COL25A1: variants seen among roughly 807,000 people sequenced by gnomAD.
The protein encoded by COL25A1 is collagen type XXV alpha 1 chain, also known as collagen alpha-1(XXV) chain.
COL25A1 carries 103 observed loss-of-function variants against 128.4 expected under a neutral mutation model. The observed-to-expected ratio is 0.80, with a 90% CI of 0.68 to 0.94. The LOEUF is 0.94. Among genes scored for constraint, COL25A1 ranks in the 40% least tolerant of loss-of-function variants. The pLI is 0.00. For missense variants in COL25A1, 745 were observed against 840.0 expected, an observed-to-expected ratio of 0.89 and a Z score of 1.40; for synonymous variants, 279 against 277.2, an observed-to-expected ratio of 1.01 and a Z score of -0.06.
intron 8 of COL25A1, among the ~76,000 whole-genome samples, chr4:108,947,858 A>T (rs181604216): frequency 1.3e-5 from 2 of 152,336 alleles, no homozygotes; most frequent in African/African-American, 4.8e-5. Flanking sequence ...GGAGGAAAAG[A>T]TAATTATTTT....
rs757764313 is a variant in COL25A1, at chr4:108,841,768, T to C, written c.1630-47A>G. ...TTTAATTAAGAATTGATTCCCTGTT[T>C]CCCAGCAAGAGTGAATATTATATCA... On this transcript the variant is annotated intron_variant, in intron 30 of 37. Coordinates refer to ENST00000399132, the MANE Select transcript of COL25A1 (RefSeq NM_198721.4). 2.1e-6 allele frequency: 3 copies of C among 1,421,848 alleles called. No individual in the cohort carries two copies. The African/African-American group carries it at 4.2e-5, about 20-fold the overall frequency. The allele number at this position is 1,421,848 out of a possible 1,614,324, so 88.1% of individuals were successfully genotyped here.
At chr4:109,058,064 T>C (rs2125958146) in intron 3 of COL25A1, among the ~76,000 whole-genome samples, 1 of 152,334 alleles carries the variant, frequency 6.6e-6, no homozygotes, top group African/African-American at 2.4e-5. Flanking sequence ...TTTGTTGCTG[T>C]TTTTAATATC....
Position 108,830,446 on chromosome 4 carries a change from G to A in COL25A1, c.1710+1934C>T, listed in dbSNP as rs545533369. 1.8e-3 allele frequency among the ~76,000 whole-genome samples: 275 copies of A among 152,260 alleles called. 3 individuals are homozygous for A. Among genetic ancestry groups the A allele is most frequent in the African/African-American group, 6.4e-3 (265 of 41,556 alleles). The stretch of plus-strand genomic sequence containing the variant: ...TTATCCTAGAACACCTCCCTTTGCC[G>A]ATTCTGACTTCTTTAAAATTTGAAA... On this transcript the variant is annotated intron_variant, in intron 32 of 37. Transcript: ENST00000399132.
intron 34 of COL25A1, among the ~76,000 whole-genome samples, chr4:108,824,848 A>G (rs1390435854): frequency 1.2e-4 from 19 of 152,168 alleles, no homozygotes; most frequent in Admixed American, 1.2e-3. Context: ...AAAACATAAT[A>G]TATCATTCTG....
At chr4:108,913,173 CA>C (rs1400529721) in intron 13 of COL25A1, among the ~76,000 whole-genome samples, 3 of 146,768 alleles carry the variant, frequency 2.0e-5, no homozygotes, top group Admixed American at 1.4e-4. Context: ...TGAAAATATT[CA>C]ACATTATTTT....
chr4:109,010,132 T>C (rs1756433713), intron 6 of COL25A1, among the ~76,000 whole-genome samples: 1 of 152,252 alleles, frequency 6.6e-6, no homozygotes, highest in Non-Finnish European at 1.5e-5. Flanking sequence ...TTTTGCTTTA[T>C]ATGATAGTAC....
chr4:108,983,274 G>T (rs1295228790), intron 6 of COL25A1, among the ~76,000 whole-genome samples: 1 of 152,078 alleles, frequency 6.6e-6, no homozygotes. Context: ...TTTGTCGAAA[G>T]AAAGTATCAA....
At chr4:109,137,492 T>C (rs1275085779) in intron 3 of COL25A1, among the ~76,000 whole-genome samples, 1 of 152,154 alleles carries the variant, frequency 6.6e-6, no homozygotes, top group East Asian at 1.9e-4. Context: ...ACTGCCTTAG[T>C]TGAGGCCTCT....
At chr4:109,287,329 C>T (rs1723984852) in intron 3 of COL25A1, among the ~76,000 whole-genome samples, 1 of 152,060 alleles carries the variant, frequency 6.6e-6, no homozygotes, top group African/African-American at 2.4e-5. Context: ...AACAGTCAGG[C>T]ATTTGGCACA....
At chr4:108,979,566 A>C (rs1478711232) in intron 6 of COL25A1, among the ~76,000 whole-genome samples, 1 of 152,202 alleles carries the variant, frequency 6.6e-6, no homozygotes, top group Non-Finnish European at 1.5e-5. Flanking sequence ...TTGGGGTAGA[A>C]AAAAGTGGAA....
chr4:109,125,506 T>G (rs61049778), intron 3 of COL25A1, among the ~76,000 whole-genome samples: 23,608 of 152,164 alleles, frequency 0.16, 2,178 homozygotes, highest in East Asian at 0.36. Context: ...ACAGGCAACT[T>G]TAATACATCT....
At chr4:109,039,978 G>T (rs1207147411) in intron 5 of COL25A1, among the ~76,000 whole-genome samples, 1 of 152,080 alleles carries the variant, frequency 6.6e-6, no homozygotes, top group African/African-American at 2.4e-5. Context: ...TGAGGCCAAA[G>T]ATATTAGCAA....
At chr4:109,107,119 T>C (rs973558709) in intron 3 of COL25A1, among the ~76,000 whole-genome samples, 7 of 152,104 alleles carry the variant, frequency 4.6e-5, no homozygotes, top group African/African-American at 1.7e-4. Flanking sequence ...CTTAGTTTAG[T>C]GTAAATCATA....
intron 19 of COL25A1, among the ~76,000 whole-genome samples, chr4:108,871,262 T>C (rs928064368): frequency 2.0e-5 from 3 of 152,214 alleles, no homozygotes; most frequent in African/African-American, 7.2e-5. Context: ...GATACAAAAT[T>C]AGCACTGCAT....
rs1461940700 is a variant in COL25A1, at chr4:108,827,114, T to A, written c.1764+21A>T. The A allele has an allele frequency of 4.3e-6, 7 of 1,611,278 alleles. No homozygotes were observed. In the African/African-American group the frequency reaches 9.4e-5, roughly 22 times the overall value. ...TCTATGCATGCGGAAGGTGGGGAGG[T>A]GCATGTGACCAGGAACTCACAGGCA... On this transcript the variant is annotated intron_variant, in intron 33 of 37. Transcript: ENST00000399132.
intron 24 of COL25A1, among the ~76,000 whole-genome samples, chr4:108,857,438 T>A (rs1005423219): frequency 6.6e-5 from 10 of 152,006 alleles, no homozygotes; most frequent in Admixed American, 5.9e-4. Context: ...AGAGGAACAC[T>A]AATTCAAGCT....
intron 3 of COL25A1, among the ~76,000 whole-genome samples, chr4:109,172,441 G>C (rs757145729): frequency 6.6e-5 from 10 of 152,132 alleles, no homozygotes; most frequent in Non-Finnish European, 1.3e-4. Context: ...ACCTGAAGAT[G>C]AATTTAATTT....
chr4:108,992,874 GA>G (rs1754359317), intron 6 of COL25A1, among the ~76,000 whole-genome samples: 1 of 151,624 alleles, frequency 6.6e-6, no homozygotes, highest in Non-Finnish European at 1.5e-5. Flanking sequence ...AATTGACAGA[GA>G]AAATTATATG....
chr4:109,225,361 C>A (rs375907062), intron 3 of COL25A1, among the ~76,000 whole-genome samples: 13 of 152,236 alleles, frequency 8.5e-5, no homozygotes, highest in African/African-American at 3.1e-4. Flanking sequence ...AATGGCTCAA[C>A]ATCACTGATC....
Sources: allele counts gnomAD v4.1 joint callset (sites outside exome capture counted in the v4.1 genomes callset), GRCh38; gene constraint gnomAD v4.1.1; transcripts MANE v1.5; gene names NCBI Gene and HGNC (gene_info 2026-07-23, HGNC 2026-07-21).